RNF149: variants seen among roughly 807,000 people sequenced by gnomAD.
The protein encoded by RNF149 is ring finger protein 149, also known as E3 ubiquitin-protein ligase RNF149.
RNF149 carries 21 observed loss-of-function variants against 39.0 expected under a neutral mutation model. The ratio of observed to expected loss-of-function variants is 0.54; its 90% CI spans 0.38 to 0.77. The LOEUF (loss-of-function observed/expected upper bound fraction) is 0.77. Ranked by LOEUF, RNF149 falls within the 30% of genes least tolerant of loss-of-function variation. The pLI, the probability that RNF149 is intolerant of heterozygous loss-of-function variation, is 0.00. For missense variants in RNF149, 493 were observed against 534.9 expected, an observed-to-expected ratio of 0.92 and a Z score of 0.77; for synonymous variants, 209 against 213.6, an observed-to-expected ratio of 0.98 and a Z score of 0.19.
intron 3 of RNF149, among the ~76,000 whole-genome samples, chr2:101,293,537 CA>C (rs1683099239): frequency 6.6e-6 from 1 of 152,204 alleles, no homozygotes; most frequent in Admixed American, 6.5e-5. Context: ...TTAGCCATGT[CA>C]AAATGTTTCT....
chr2:101,287,044 G>A (rs1261109355), intron 4 of RNF149, among the ~76,000 whole-genome samples: 3 of 152,194 alleles, frequency 2.0e-5, no homozygotes, highest in Non-Finnish European at 2.9e-5. Context: ...ACTCGCGGCC[G>A]GGCATGGTGG....
downstream of RNF149, chr2:101,273,010 G>A: frequency 7.4e-7 from 1 of 1,352,588 alleles, no homozygotes; most frequent in Middle Eastern, 2.1e-4. Context: ...TGCTGATGGA[G>A]ACACTGCAAT....
At chr2:101,293,103 A>G (rs936887907) in intron 3 of RNF149, among the ~76,000 whole-genome samples, 1 of 152,004 alleles carries the variant, frequency 6.6e-6, no homozygotes, top group Non-Finnish European at 1.5e-5. Flanking sequence ...CCACCAATAC[A>G]ATTCTCAAAG....
intron 5 of RNF149, 149 bp from the exon 6 acceptor site, chr2:101,282,206 G>A: frequency 8.5e-7 from 1 of 1,182,322 alleles, no homozygotes; most frequent in Non-Finnish European, 1.1e-6. Context: ...CCCTTATCTA[G>A]TATCACAAGA....
At chr2:101,290,901 T>C (rs941232314) in intron 3 of RNF149, among the ~76,000 whole-genome samples, 1 of 152,168 alleles carries the variant, frequency 6.6e-6, no homozygotes, top group African/African-American at 2.4e-5. Context: ...GTCTCACCCA[T>C]CAACCAAGGC....
chr2:101,300,354 C>A (rs1193000684), intron 1 of RNF149, among the ~76,000 whole-genome samples: 1 of 151,984 alleles, frequency 6.6e-6, no homozygotes, highest in Non-Finnish European at 1.5e-5. Context: ...TTAAAAGGTT[C>A]TTTAACACCT....
At chr2:101,307,923 A>G in intron 1 of RNF149, 5 of 985,420 alleles carry the variant, frequency 5.1e-6, no homozygotes, top group Non-Finnish European at 6.0e-6. Context: ...CGAAGATCAC[A>G]TCTTGTCCGC....
At chr2:101,280,893 A>C (rs1354748827) in intron 6 of RNF149, among the ~76,000 whole-genome samples, 1 of 152,090 alleles carries the variant, frequency 6.6e-6, no homozygotes. Context: ...AGTTAGCTAG[A>C]TGTGGTGGCA....
intron 1 of RNF149, among the ~76,000 whole-genome samples, chr2:101,301,813 G>A (rs1051997197): frequency 1.3e-5 from 2 of 152,144 alleles, no homozygotes; most frequent in Non-Finnish European, 2.9e-5. Flanking sequence ...GATGACATGA[G>A]TCTAGTGTAC....
chr2:101,293,441 A>G (rs989689792), intron 3 of RNF149, among the ~76,000 whole-genome samples: 2 of 152,220 alleles, frequency 1.3e-5, no homozygotes, highest in Non-Finnish European at 2.9e-5. Context: ...CTATCCTCCA[A>G]GAATCTGAGC....
chr2:101,300,856 GGTCA>G lies in RNF149; in HGVS notation c.461-5679_461-5676del, dbSNP rs552480600. Among the ~76,000 whole-genome samples the G allele has an allele frequency of 1.1e-4, 16 of 152,302 alleles. No homozygotes were observed. In the East Asian group the frequency reaches 1.5e-3, roughly 15 times the overall value. ...TTGGGTAAAAACATGCTAGTTCAGGGGTCAGTATGTGCACAACTGCAAGGGGTGC... is the reference window on the plus strand; with the variant it reads ...TTGGGTAAAAACATGCTAGTTCAGGGGTATGTGCACAACTGCAAGGGGTGC... On this transcript the variant is annotated intron_variant, in intron 1 of 6. Transcript: ENST00000295317.
At chr2:101,290,734 C>T (rs1183733101) in intron 3 of RNF149, among the ~76,000 whole-genome samples, 1 of 152,194 alleles carries the variant, frequency 6.6e-6, no homozygotes, top group African/African-American at 2.4e-5. Flanking sequence ...CATTTTTCAT[C>T]TAACTACTTA....
chr2:101,288,875 C>G, intron 4 of RNF149, 98 bp downstream of exon 4: 1 of 635,966 alleles, frequency 1.6e-6, no homozygotes, highest in Non-Finnish European at 2.8e-6. Flanking sequence ...TCACAAATTA[C>G]AAGATCTTCA....
At position 101,279,129 on chromosome 2, in the gene RNF149, A is replaced by G. The variant is rs1375906033; in HGVS notation, c.1160-1848T>C. 4.6e-5 allele frequency among the ~76,000 whole-genome samples: 7 copies of G among 152,240 alleles called. No individual in the cohort carries two copies. The South Asian group carries it at 6.2e-4, about 13-fold the overall frequency. ...GATAAAGTCAACTTGCTGTTGCACA[A>G]TACTTGAGAATTTAAAAAAAGGACA... On this transcript the variant is annotated intron_variant, in intron 6 of 6. Transcript: ENST00000295317.
intron 1 of RNF149, among the ~76,000 whole-genome samples, chr2:101,300,893 G>C (rs762976954): frequency 2.0e-5 from 3 of 152,164 alleles, no homozygotes; most frequent in Non-Finnish European, 4.4e-5. Flanking sequence ...TGCCAGGCAC[G>C]GGCACCTTGC....
rs150372132 is a variant in RNF149 at position 101,290,860 on chromosome 2, T to G, written c.781-1805A>C. On this transcript the variant is annotated intron_variant, in intron 3 of 6. Coordinates refer to ENST00000295317, the MANE Select transcript of RNF149 (RefSeq NM_173647.4). ...TTGGTGGTAATCAGCCCTCCCTACT[T>G]CTCTGGCTAACCCCTGGATCTACAC... is the stretch of plus-strand genomic sequence containing the variant. 7.9e-3 allele frequency among the ~76,000 whole-genome samples: 949 copies of G among 120,368 alleles called. 3 individuals are homozygous for G. The highest frequency in any genetic ancestry group is 0.028 in the African/African-American group (906 of 31,976). 79.0% of individuals were successfully genotyped at this position (120,368 alleles called of 152,430 possible).
chr2:101,291,479 C>T (rs1199624901), intron 3 of RNF149, among the ~76,000 whole-genome samples: 3 of 151,182 alleles, frequency 2.0e-5, no homozygotes, highest in Admixed American at 1.3e-4. Flanking sequence ...GACAGGGTTT[C>T]GCCACGTTGC....
Position 101,276,217 on chromosome 2 carries a change from T to C in RNF149, c.*1021A>G, listed in dbSNP as rs1325053194. The C allele has an allele frequency of 3.9e-5, 38 of 984,714 alleles. No individual in the cohort carries two copies. The highest frequency in any genetic ancestry group is 4.6e-5 in the Non-Finnish European group (38 of 829,696). The allele number at this position is 984,714 out of a possible 1,614,324, so 61.0% of individuals were successfully genotyped here. A position where few individuals can be genotyped will look rare whatever the true frequency, so the allele number is the denominator to read the frequency against. The stretch of plus-strand genomic sequence containing the variant: ...ATACTCGACTTCTACCTCCAAGAAG[T>C]GAAAAAATAGCAGAGTGTGTGTTTA... On this transcript the variant is annotated 3_prime_UTR_variant, in exon 7 of 7. Coordinates refer to ENST00000295317, the MANE Select transcript of RNF149 (RefSeq NM_173647.4).
chr2:101,290,657 T>C (rs993820380), intron 3 of RNF149, among the ~76,000 whole-genome samples: 6 of 152,226 alleles, frequency 3.9e-5, no homozygotes, highest in African/African-American at 1.4e-4. Flanking sequence ...AAAATGTAAA[T>C]GGCTAAATAT....
Sources: allele counts gnomAD v4.1 joint callset (sites outside exome capture counted in the v4.1 genomes callset), GRCh38; gene constraint gnomAD v4.1.1; transcripts MANE v1.5; gene names NCBI Gene and HGNC (gene_info 2026-07-23, HGNC 2026-07-21).